CREBBP: variants seen among roughly 807,000 people sequenced by gnomAD.
CREBBP encodes CREB-binding protein.
A neutral mutation model predicts 265.0 loss-of-function variants in CREBBP; 19 were observed. That is an observed-to-expected ratio of 0.07 (90% CI 0.05 to 0.11). The LOEUF (loss-of-function observed/expected upper bound fraction) is 0.11. CREBBP is among the 10% of genes least tolerant of loss of function. The pLI, the probability that CREBBP is intolerant of heterozygous loss-of-function variation, is 1.00. For synonymous variants in CREBBP, 1,457 were observed against 1,223.7 expected, an observed-to-expected ratio of 1.19 and a Z score of -3.98; for missense variants, 2,525 against 3,219.0, an observed-to-expected ratio of 0.78 and a Z score of 5.22.
intron 5 of CREBBP, among the ~76,000 whole-genome samples, chr16:3,790,642 G>A (rs373921134): frequency 5.9e-5 from 9 of 152,162 alleles, no homozygotes; most frequent in Non-Finnish European, 8.8e-5. Flanking sequence ...GAGCCATTGC[G>A]CCTGGCCAGG....
At chr16:3,774,085 G>A (rs2141218042) in intron 12 of CREBBP, among the ~76,000 whole-genome samples, 155 bp from the exon 13 acceptor site, 1 of 152,290 alleles carries the variant, frequency 6.6e-6, no homozygotes, top group Non-Finnish European at 1.5e-5. Context: ...ACCACCACTT[G>A]CTAAGAACTC....
chr16:3,859,734 G>A (rs190778773), intron 1 of CREBBP, among the ~76,000 whole-genome samples: 2 of 152,270 alleles, frequency 1.3e-5, no homozygotes, highest in East Asian at 3.9e-4. Flanking sequence ...CAAGTACAGG[G>A]TTCAGAGAGC....
chr16:3,807,368 G>T (rs1247427897), intron 3 of CREBBP, among the ~76,000 whole-genome samples: 1 of 152,146 alleles, frequency 6.6e-6, no homozygotes, highest in East Asian at 1.9e-4. Flanking sequence ...ACCAAATTTA[G>T]TTGGGTACCC....
Position 3,769,323 on chromosome 16 carries a change from T to C in CREBBP, c.2911A>G (p.Arg971Gly), listed in dbSNP as rs1374436403. The C allele has an allele frequency of 2.5e-6, 4 of 1,614,192 alleles. No individual in the cohort carries two copies. In the East Asian group the frequency reaches 8.9e-5, roughly 36 times the overall value. ...GCCACCGAGGAGGGGGTAGGGACTC[T>C]GTTATCAATGCTGGCTGCTGCCTGG... ...LSQAAASIDN[R>G]VPTPSSVASA... Residue 971 changes from arginine to glycine, a missense_variant, in exon 15 of 31, where the codon AGA (arginine) becomes GGA (glycine). Physicochemically the swap from Arg to Gly is moderately radical, Grantham distance 125. This residue lies in a region of CREBBP where 548 missense variants were observed against 533.0 expected (regional missense o/e 1.03). Transcript: ENST00000262367.
intron 30 of CREBBP, among the ~76,000 whole-genome samples, chr16:3,730,141 C>A (rs1003395223): frequency 2.6e-5 from 4 of 152,182 alleles, no homozygotes; most frequent in Admixed American, 6.5e-5. Flanking sequence ...GTGTTGCTCC[C>A]AAGGACCTTC....
At chr16:3,849,894 C>T (rs372343404) in intron 2 of CREBBP, among the ~76,000 whole-genome samples, 3 of 152,054 alleles carry the variant, frequency 2.0e-5, no homozygotes, top group East Asian at 3.9e-4. Context: ...AGTGAGCTGA[C>T]AACCCTGGAA....
chr16:3,834,897 G>A (rs1177829279), intron 2 of CREBBP, among the ~76,000 whole-genome samples: 6 of 152,076 alleles, frequency 3.9e-5, no homozygotes, highest in African/African-American at 1.2e-4. Context: ...AGTGGCTCAC[G>A]CCTGTAATCC....
In CREBBP at chr16:3,866,720, C is replaced by T. The variant is rs181229859; in HGVS notation, c.85+13112G>A. Among the ~76,000 whole-genome samples the T allele has an allele frequency of 9.3e-4, 141 of 152,076 alleles. 2 individuals carry two copies. In the South Asian group the frequency reaches 0.011, roughly 12 times the overall value. Reference sequence around the variant, plus strand: ...GCCCCCAAAACATCTCTAGCTCAACCCCGAAAAACAATTTCTAGAGATTCC... The same window carrying T: ...GCCCCCAAAACATCTCTAGCTCAACTCCGAAAAACAATTTCTAGAGATTCC... On this transcript the variant is annotated intron_variant, in intron 1 of 30. Transcript: ENST00000262367.
chr16:3,815,398 G>C (rs1026275558), intron 2 of CREBBP, among the ~76,000 whole-genome samples: 1 of 151,830 alleles, frequency 6.6e-6, no homozygotes, highest in African/African-American at 2.4e-5. Context: ...AAATTAGCTA[G>C]GCATGGTGGT....
intron 3 of CREBBP, among the ~76,000 whole-genome samples, chr16:3,797,291 T>A (rs989404065): frequency 6.6e-6 from 1 of 152,212 alleles, no homozygotes; most frequent in Non-Finnish European, 1.5e-5. Context: ...AGGGGCAATC[T>A]ATATTGCCAG....
At chr16:3,855,955 C>T (rs2054953418) in intron 1 of CREBBP, among the ~76,000 whole-genome samples, 1 of 152,188 alleles carries the variant, frequency 6.6e-6, no homozygotes, top group Non-Finnish European at 1.5e-5. Flanking sequence ...ATATTTTTGT[C>T]CAACCCAAAT....
At chr16:3,782,054 G>A (rs1266683472) in intron 6 of CREBBP, among the ~76,000 whole-genome samples, 1 of 152,172 alleles carries the variant, frequency 6.6e-6, no homozygotes, top group African/African-American at 2.4e-5. Flanking sequence ...AGACATCACT[G>A]CTTAGCTTAA....
rs541821078 is a variant in CREBBP at position 3,818,248 on chromosome 16, C to A, written c.799-7469G>T. 3.1e-3 allele frequency among the ~76,000 whole-genome samples: 478 copies of A among 151,948 alleles called. 1 individual carries two copies. The highest frequency in any genetic ancestry group is 3.6e-3 in the Non-Finnish European group (244 of 67,970). On this transcript the variant is annotated intron_variant, in intron 2 of 30. Transcript: ENST00000262367. ...AGAACTTGACCTAGAGTCGGCCAGG[C>A]CATCAGAAACTCTCAGTGCAACAAG...
At chr16:3,818,530 G>C (rs560688284) in intron 2 of CREBBP, among the ~76,000 whole-genome samples, 8 of 152,078 alleles carry the variant, frequency 5.3e-5, no homozygotes, top group Non-Finnish European at 1.2e-4. Flanking sequence ...GACCACGTTG[G>C]CCAGGCTGGT....
At chr16:3,781,789 A>T (rs1233179158) in intron 6 of CREBBP, among the ~76,000 whole-genome samples, 2 of 152,194 alleles carry the variant, frequency 1.3e-5, no homozygotes, top group Non-Finnish European at 2.9e-5. Flanking sequence ...AGCTGAGACT[A>T]AAAAAGGTTA....
chr16:3,765,118 C>T (rs1265527845), intron 16 of CREBBP, among the ~76,000 whole-genome samples: 1 of 152,054 alleles, frequency 6.6e-6, no homozygotes, highest in Non-Finnish European at 1.5e-5. Context: ...GGACTACAGG[C>T]GCCCGCCACC....
chr16:3,767,940 A>C (rs113782770), intron 15 of CREBBP, 31 bp from the exon 16 acceptor site: 22 of 1,604,958 alleles, frequency 1.4e-5, no homozygotes, highest in African/African-American at 1.3e-4. Flanking sequence ...TAACATATGA[A>C]TATCAAACAC....
Position 3,880,073 on chromosome 16 carries a change from T to G in CREBBP, c.-157A>C. The G allele has an allele frequency of 2.7e-6, 1 of 375,226 alleles. No homozygotes were observed. The highest frequency in any genetic ancestry group is 5.8e-5 in the East Asian group (1 of 17,110). 23.2% of individuals were successfully genotyped at this position (375,226 alleles called of 1,614,324 possible). ...AGGGAGAGGGAGGGCGCAGGCCGGGTGGGGGAGGCGGCGGCCAAATCTCAG... is the reference window on the plus strand; with the variant it reads ...AGGGAGAGGGAGGGCGCAGGCCGGGGGGGGGAGGCGGCGGCCAAATCTCAG... On this transcript the variant is annotated 5_prime_UTR_variant, in exon 1 of 31. Transcript: ENST00000262367.
In CREBBP at chr16:3,757,932, G is replaced by A. The variant is rs2151383429; in HGVS notation, c.3486C>T (p.Asn1162=). The change falls in exon 18 of 31, where the codon AAC becomes AAT. Residue 1162 remains asparagine (N), a synonymous_variant. Coordinates refer to ENST00000262367, the MANE Select transcript of CREBBP (RefSeq NM_004380.3). The stretch of plus-strand genomic sequence containing the variant: ...TCTTGCGATTATAGAGCCAGGCATT[G>A]TTGAACATGAGCCAGACGTCGTCCA... ...QYVDDVWLMF[N]NAWLYNRKTS... The A allele has an allele frequency of 1.2e-6, 2 of 1,614,066 alleles. No homozygotes were observed. The highest frequency in any genetic ancestry group is 1.7e-6 in the Non-Finnish European group (2 of 1,180,034).
Sources: gnomAD v4.1 joint callset for allele counts (sites outside exome capture counted in the v4.1 genomes callset) on GRCh38, gnomAD v4.1.1 for gene constraint, gnomAD v4.1.1 regional missense constraint, MANE v1.5 for transcripts, NCBI Gene and HGNC (gene_info 2026-07-23, HGNC 2026-07-21) for gene names.